Variants in FGF14 observed in about 807,000 individuals in gnomAD.
FGF14 encodes the protein fibroblast growth factor homologous factor 4.
FGF14 carries 5 observed loss-of-function variants against 25.5 expected under a neutral mutation model. The ratio of observed to expected loss-of-function variants is 0.20; its 90% CI spans 0.10 to 0.41. FGF14 has a LOEUF of 0.41. FGF14 is among the 10% of genes least tolerant of loss of function. The pLI, the probability that FGF14 is intolerant of heterozygous loss-of-function variation, is 1.00. For synonymous variants in FGF14, 138 were observed against 118.3 expected (o/e 1.17, Z -1.08); for missense variants, 222 against 320.1 (o/e 0.69, Z 2.34).
intron 1 of FGF14, among the ~76,000 whole-genome samples, chr13:102,171,567 C>T (rs1037295375): frequency 1.3e-5 from 2 of 152,084 alleles, no homozygotes; most frequent in African/African-American, 2.4e-5. Context: ...AATAAAACAA[C>T]AAGACTTAAT....
chr13:102,089,751 G>C (rs1247339476), intron 1 of FGF14, among the ~76,000 whole-genome samples: 2 of 152,164 alleles, frequency 1.3e-5, no homozygotes, highest in African/African-American at 4.8e-5. Context: ...AAATTGAAAA[G>C]AATCATGGTT....
chr13:101,825,059 G>GCATTTCCCTGAGTTCTGTAAAC (rs1432025389), intron 3 of FGF14, among the ~76,000 whole-genome samples: 1 of 152,158 alleles, frequency 6.6e-6, no homozygotes, highest in Non-Finnish European at 1.5e-5. Context: ...TGGTAGTAAA[G>GCATTTCCCTGAGTTCTGTAAAC]CATTTCCCTG....
upstream of FGF14, among the ~76,000 whole-genome samples, chr13:101,917,585 G>T (rs2033664562): frequency 6.6e-6 from 1 of 151,866 alleles, no homozygotes; most frequent in Admixed American, 6.6e-5. Flanking sequence ...GGGCGAGGTG[G>T]TTTCCGCCCT....
chr13:101,856,682 T>C (rs2044142279), intron 3 of FGF14, among the ~76,000 whole-genome samples: 1 of 152,022 alleles, frequency 6.6e-6, no homozygotes, highest in Non-Finnish European at 1.5e-5. Context: ...TTTTACCTTC[T>C]ATGCTTCTGA....
intron 3 of FGF14, among the ~76,000 whole-genome samples, chr13:101,854,806 T>A (rs1320532850): frequency 6.6e-6 from 1 of 152,002 alleles, no homozygotes; most frequent in Non-Finnish European, 1.5e-5. Context: ...CCAGAAGTCA[T>A]TTGCCTTTGA....
intron 1 of FGF14, among the ~76,000 whole-genome samples, chr13:102,224,182 C>A (rs2050734917): frequency 6.6e-6 from 1 of 152,130 alleles, no homozygotes; most frequent in African/African-American, 2.4e-5. Flanking sequence ...GAAAACATAT[C>A]TCCAAAAGGC....
At chr13:102,035,100 T>C (rs992622627) in intron 1 of FGF14, among the ~76,000 whole-genome samples, 1 of 152,048 alleles carries the variant, frequency 6.6e-6, no homozygotes, top group African/African-American at 2.4e-5. Context: ...TCAAGTGAGG[T>C]TGTCTGATGC....
At chr13:102,238,894 A>G (rs1594535911) in intron 1 of FGF14, among the ~76,000 whole-genome samples, 3 of 152,308 alleles carry the variant, frequency 2.0e-5, no homozygotes, top group South Asian at 2.1e-4. Flanking sequence ...GGTAGTACAT[A>G]TAAAATAAAA....
intron 1 of FGF14, among the ~76,000 whole-genome samples, chr13:102,347,795 A>G (rs1264884427): frequency 6.6e-6 from 1 of 152,134 alleles, no homozygotes; most frequent in Non-Finnish European, 1.5e-5. Flanking sequence ...TTTTAACCCG[A>G]AATTCGAATG....
At chr13:102,397,419 A>G (rs1421845215) in intron 1 of FGF14, among the ~76,000 whole-genome samples, 1 of 152,204 alleles carries the variant, frequency 6.6e-6, no homozygotes, top group Non-Finnish European at 1.5e-5. Context: ...GACTGAGTTC[A>G]GAAAAAGAGA....
chr13:101,859,812 AAGG>A (rs1428779334), intron 3 of FGF14, among the ~76,000 whole-genome samples: 2 of 152,094 alleles, frequency 1.3e-5, no homozygotes, highest in Non-Finnish European at 2.9e-5. Context: ...TCACCTCTGG[AAGG>A]AGAAGGACAT....
intron 1 of FGF14, among the ~76,000 whole-genome samples, chr13:102,238,710 T>G (rs1288844129): frequency 6.6e-6 from 1 of 152,232 alleles, no homozygotes; most frequent in Non-Finnish European, 1.5e-5. Context: ...TTGATTCATT[T>G]TTAGAGCAAA....
intron 1 of FGF14, among the ~76,000 whole-genome samples, chr13:101,987,795 T>C (rs2038673631): frequency 6.6e-6 from 1 of 152,052 alleles, no homozygotes; most frequent in African/African-American, 2.4e-5. Context: ...TTATTAGTCT[T>C]AAGGAAAATT....
intron 1 of FGF14, among the ~76,000 whole-genome samples, chr13:102,304,172 G>T (rs370314915): frequency 6.6e-6 from 1 of 151,894 alleles, no homozygotes; most frequent in African/African-American, 2.4e-5. Flanking sequence ...AAATAGCAAG[G>T]TATACACCTT....
chr13:102,270,795 T>A (rs952622716), intron 1 of FGF14, among the ~76,000 whole-genome samples: 1 of 152,198 alleles, frequency 6.6e-6, no homozygotes, highest in East Asian at 1.9e-4. Flanking sequence ...TATTATGAAT[T>A]CATGATAGAG....
chr13:101,890,081 ACAAAAG>A (rs1473731266), intron 1 of FGF14, among the ~76,000 whole-genome samples: 1 of 152,220 alleles, frequency 6.6e-6, no homozygotes, highest in Non-Finnish European at 1.5e-5. Context: ...TTTAAACAAT[ACAAAAG>A]CAAAAACAAA....
At chr13:101,804,681 T>C (rs2041099217) in intron 3 of FGF14, among the ~76,000 whole-genome samples, 1 of 152,100 alleles carries the variant, frequency 6.6e-6, no homozygotes, top group Non-Finnish European at 1.5e-5. Flanking sequence ...TACATATATA[T>C]ATATATACAC....
chr13:101,794,941 T>C (rs559794176), intron 3 of FGF14, among the ~76,000 whole-genome samples: 46 of 152,314 alleles, frequency 3.0e-4, no homozygotes, highest in African/African-American at 1.1e-3. Flanking sequence ...TCTTTAGAAC[T>C]ATATTTCTAT....
intron 3 of FGF14, among the ~76,000 whole-genome samples, chr13:101,766,849 C>A (rs888015439): frequency 2.0e-5 from 3 of 152,062 alleles, no homozygotes; most frequent in Non-Finnish European, 4.4e-5. Flanking sequence ...CGTCTACAAG[C>A]CAAGGAATGC....
Sources: gnomAD v4.1 joint callset for allele counts (sites outside exome capture counted in the v4.1 genomes callset) on GRCh38, gnomAD v4.1.1 for gene constraint, MANE v1.5 for transcripts, NCBI Gene and HGNC (gene_info 2026-07-23, HGNC 2026-07-21) for gene names.